The following SHISA9 variants were observed in gnomAD, a reference collection of about 807,000 sequenced individuals.
SHISA9 encodes the protein shisa family member 9, also known as protein shisa-9.
In SHISA9, 13 loss-of-function variants were observed where a neutral mutation model predicts 38.0. The observed-to-expected ratio is 0.34, with a 90% CI of 0.22 to 0.54. The LOEUF is 0.54. Among genes scored for constraint, SHISA9 ranks in the 20% least tolerant of loss-of-function variants. The pLI, the probability that SHISA9 is intolerant of heterozygous loss-of-function variation, is 0.91. For synonymous variants in SHISA9, 275 were observed against 242.0 expected, an observed-to-expected ratio of 1.14 and a Z score of -1.27; for missense variants, 538 against 575.8, an observed-to-expected ratio of 0.93 and a Z score of 0.67.
At chr16:13,300,320 G>A in the SHISA9 span, among the ~76,000 whole-genome samples, 2 of 152,122 alleles carry the variant, frequency 1.3e-5, no homozygotes, top group Non-Finnish European at 2.9e-5. Context: ...CCCCTGGAAC[G>A]AGAATCAATT....
chr16:13,497,775 G>A, the SHISA9 span, among the ~76,000 whole-genome samples: 587 of 151,718 alleles, frequency 3.9e-3, 1 homozygote, highest in African/African-American at 0.013. Context: ...CAGACAAGTT[G>A]ACAGACAGAT....
intron 2 of SHISA9, among the ~76,000 whole-genome samples, chr16:13,172,281 G>T (rs970989893): frequency 6.6e-6 from 1 of 152,196 alleles, no homozygotes; most frequent in Non-Finnish European, 1.5e-5. Context: ...AGACACTTAA[G>T]ATGCCTAGGG....
chr16:13,138,658 G>T, intron 2 of SHISA9, among the ~76,000 whole-genome samples: 1 of 152,192 alleles, frequency 6.6e-6, no homozygotes, highest in African/African-American at 2.4e-5. Flanking sequence ...ATTATGGATG[G>T]ATGTCTCACA....
chr16:13,252,484 G>A, the SHISA9 span, among the ~76,000 whole-genome samples: 2 of 152,148 alleles, frequency 1.3e-5, no homozygotes, highest in Admixed American at 1.3e-4. Context: ...GAAGTGCTGA[G>A]GGTGAGAAAC....
the SHISA9 span, among the ~76,000 whole-genome samples, chr16:13,287,440 C>A: frequency 1.3e-5 from 2 of 152,148 alleles, no homozygotes; most frequent in Non-Finnish European, 2.9e-5. Flanking sequence ...GCTGAAAAAC[C>A]AGAAGGACTA....
the SHISA9 span, chr16:13,474,465 A>C: frequency 2.0e-5 from 3 of 152,216 alleles, no homozygotes; most frequent in African/African-American, 7.2e-5. Context: ...TTTAATCTTC[A>C]AAACTACAGT....
the SHISA9 span, among the ~76,000 whole-genome samples, chr16:13,296,413 G>GAAA: frequency 2.6e-5 from 4 of 151,056 alleles, no homozygotes; most frequent in African/African-American, 7.3e-5. Flanking sequence ...TGCTGTTTTT[G>GAAA]AACAGCACGC....
the SHISA9 span, among the ~76,000 whole-genome samples, chr16:13,429,068 A>G: frequency 2.0e-5 from 3 of 152,128 alleles, no homozygotes; most frequent in Non-Finnish European, 2.9e-5. Context: ...AACCCAGCTA[A>G]ATTTTAGAAA....
At chr16:13,210,182 C>G (rs2051104859) in intron 3 of SHISA9, among the ~76,000 whole-genome samples, 1 of 152,172 alleles carries the variant, frequency 6.6e-6, no homozygotes, top group Non-Finnish European at 1.5e-5. Context: ...AAAGATCACC[C>G]TTTCACCCTT....
chr16:12,917,564 A>G (rs768041142), intron 2 of SHISA9, among the ~76,000 whole-genome samples: 9 of 152,204 alleles, frequency 5.9e-5, no homozygotes, highest in Non-Finnish European at 1.3e-4. Flanking sequence ...GTCTGTATAT[A>G]CAATATACAT....
intron 2 of SHISA9, among the ~76,000 whole-genome samples, chr16:13,156,685 G>T (rs1382831352): frequency 6.8e-6 from 1 of 146,700 alleles, no homozygotes; most frequent in African/African-American, 2.6e-5. Flanking sequence ...AGTAAGCTGA[G>T]ATCGCGCCAC....
intron 2 of SHISA9, among the ~76,000 whole-genome samples, chr16:13,098,850 C>T (rs1363168503): frequency 2.6e-5 from 4 of 152,334 alleles, no homozygotes; most frequent in South Asian, 2.1e-4. Context: ...CCTAGATCTG[C>T]GGTCTTGGGC....
intron 1 of SHISA9, chr16:12,910,394 T>C (rs959886516): frequency 1.2e-6 from 1 of 850,742 alleles, no homozygotes; most frequent in South Asian, 5.4e-5. Context: ...GAGATAACCA[T>C]GAATAGTACA....
At chr16:13,136,830 A>C (rs1025933881) in intron 2 of SHISA9, among the ~76,000 whole-genome samples, 1 of 151,612 alleles carries the variant, frequency 6.6e-6, no homozygotes, top group African/African-American at 2.4e-5. Flanking sequence ...GCCCAGTAAA[A>C]TTTTTTTTTG....
chr16:12,981,791 CAT>C (rs747477059), intron 2 of SHISA9, among the ~76,000 whole-genome samples: 6 of 152,082 alleles, frequency 3.9e-5, no homozygotes, highest in Admixed American at 6.5e-5. Flanking sequence ...ACTCTAACCC[CAT>C]ATGACTGGTA....
chr16:12,906,151 C>G (rs1227800851), intron 1 of SHISA9, among the ~76,000 whole-genome samples: 4 of 152,130 alleles, frequency 2.6e-5, no homozygotes, highest in Non-Finnish European at 4.4e-5. Flanking sequence ...ATTAACCTGC[C>G]AGTCACAGGC....
At chr16:13,455,803 T>C in the SHISA9 span, among the ~76,000 whole-genome samples, 3 of 152,246 alleles carry the variant, frequency 2.0e-5, no homozygotes, top group East Asian at 5.8e-4. Context: ...CCCAGTACAA[T>C]GCATCATTCT....
chr16:13,428,914 T>A, the SHISA9 span, among the ~76,000 whole-genome samples: 14 of 152,094 alleles, frequency 9.2e-5, no homozygotes, highest in African/African-American at 3.1e-4. Flanking sequence ...TACAGGTGCA[T>A]GCCACCAGGC....
At position 13,235,548 on chromosome 16, in the gene SHISA9, T is replaced by C; in HGVS notation, c.*139T>C. On this transcript the variant is annotated 3_prime_UTR_variant, in exon 5 of 5. Coordinates refer to ENST00000558583, the MANE Select transcript of SHISA9 (RefSeq NM_001145204.3). ...CAACAAGAACCAACTCTAAACCTAC[T>C]GGGGACACAGAGTCGCGCTTTTCCT... The C allele has an allele frequency of 9.0e-7, 1 of 1,111,408 alleles. No homozygotes were observed. Among genetic ancestry groups the C allele is most frequent in the East Asian group, 2.6e-5 (1 of 38,278 alleles). The allele number at this position is 1,111,408 out of a possible 1,614,324, so 68.8% of individuals were successfully genotyped here.
Sources: allele counts gnomAD v4.1 joint callset (sites outside exome capture counted in the v4.1 genomes callset), GRCh38; gene constraint gnomAD v4.1.1; transcripts MANE v1.5; gene names NCBI Gene and HGNC (gene_info 2026-07-23, HGNC 2026-07-21).